Variants in NFIA observed in about 807,000 individuals in gnomAD.
NFIA encodes nuclear factor I A.
Under a neutral mutation model 62.8 loss-of-function variants are expected in NFIA, and 8 were observed. The ratio of observed to expected loss-of-function variants is 0.13; its 90% CI spans 0.07 to 0.23. The LOEUF (loss-of-function observed/expected upper bound fraction) is 0.23, where lower values mean the gene tolerates loss of function less well. NFIA is among the 10% of genes least tolerant of loss of function. The pLI, the probability that NFIA is intolerant of heterozygous loss-of-function variation, is 1.00. For missense variants in NFIA, 410 were observed against 642.1 expected, an observed-to-expected ratio of 0.64 and a Z score of 3.91; for synonymous variants, 235 against 238.1, an observed-to-expected ratio of 0.99 and a Z score of 0.12.
chr1:61,246,423 A>G (rs1024292966), intron 2 of NFIA, among the ~76,000 whole-genome samples: 1 of 152,142 alleles, frequency 6.6e-6, no homozygotes, highest in Non-Finnish European at 1.5e-5. Flanking sequence ...CTTGATAATC[A>G]TTTACTATGA....
At chr1:61,280,050 C>T (rs1658038828) in intron 3 of NFIA, among the ~76,000 whole-genome samples, 2 of 152,214 alleles carry the variant, frequency 1.3e-5, no homozygotes, top group South Asian at 4.1e-4. Flanking sequence ...GTAGTAGAAG[C>T]TGGCTTATCT....
chr1:61,406,637 C>T lies in NFIA; in HGVS notation c.1330C>T (p.Pro444Ser), dbSNP rs777963349. The T allele has an allele frequency of 3.7e-6, 6 of 1,612,770 alleles. No individual in the cohort carries two copies. The highest frequency in any genetic ancestry group is 5.1e-6 in the Non-Finnish European group (6 of 1,179,690). The stretch of plus-strand genomic sequence containing the variant: ...AATGTTGCCACCGCCACCGCCACCA[C>T]CGATGGCCAGGCCTGTGCCTCTGCC... ...TPMLPPPPPPPMARPVPLPVP... is the reference protein window; with the variant it reads ...TPMLPPPPPPSMARPVPLPVP... The change falls in exon 9 of 11, where the codon CCG becomes TCG. Residue 444 changes from proline (P) to serine (S), a missense_variant. By Grantham distance (74) the Pro-to-Ser change is moderately conservative (BLOSUM62 -1). Around this residue, in one of 3 missense-constraint regions of NFIA, gnomAD observed 298 missense variants for 438.1 expected, o/e 0.68. Transcript: ENST00000403491.
chr1:61,162,381 G>A (rs772951726), intron 2 of NFIA, among the ~76,000 whole-genome samples: 1 of 152,190 alleles, frequency 6.6e-6, no homozygotes, highest in South Asian at 2.1e-4. Context: ...CACGTAGTTC[G>A]AAAACCTTTG....
chr1:61,419,479 T>C (rs1417896715), intron 9 of NFIA, among the ~76,000 whole-genome samples: 1 of 152,130 alleles, frequency 6.6e-6, no homozygotes, highest in East Asian at 1.9e-4. Context: ...ACTGCACTCA[T>C]TGTAAAGTGC....
At chr1:61,083,435 C>G (rs1646156195) in intron 1 of NFIA, among the ~76,000 whole-genome samples, 1 of 152,122 alleles carries the variant, frequency 6.6e-6, no homozygotes, top group African/African-American at 2.4e-5. Flanking sequence ...CTTCGGGGTC[C>G]GGCCGCGGAA....
intron 2 of NFIA, among the ~76,000 whole-genome samples, chr1:61,142,916 C>T (rs1647649840): frequency 6.6e-6 from 1 of 152,166 alleles, no homozygotes; most frequent in African/African-American, 2.4e-5. Flanking sequence ...TTCTGATGCA[C>T]TCACCCTGGC....
chr1:61,091,694 T>G (rs760674596), intron 2 of NFIA, among the ~76,000 whole-genome samples: 2 of 152,192 alleles, frequency 1.3e-5, no homozygotes, highest in Non-Finnish European at 2.9e-5. Context: ...TACCAGATGA[T>G]CTGTATCAGA....
intron 2 of NFIA, among the ~76,000 whole-genome samples, chr1:61,191,364 A>G (rs1651604371): frequency 6.6e-6 from 1 of 152,192 alleles, no homozygotes; most frequent in South Asian, 2.1e-4. Flanking sequence ...TACAGGCTTC[A>G]CCGTGACCTG....
chr1:61,270,819 A>G lies in NFIA; in HGVS notation c.560-6701A>G, dbSNP rs576180883. Among the ~76,000 whole-genome samples, 62 of 152,340 alleles carry G rather than the reference A, an allele frequency of 4.1e-4. 2 individuals are homozygous for G. In the South Asian group the frequency reaches 0.011, roughly 27 times the overall value. ...GTGGGTAGGTGATCGGGTAGACTCA[A>G]TAACTTGAGTTCTGAATTAATCAGC... On this transcript the variant is annotated intron_variant, in intron 2 of 10. Transcript: ENST00000403491.
intron 2 of NFIA, among the ~76,000 whole-genome samples, chr1:61,158,189 G>A (rs1648942361): frequency 6.6e-6 from 1 of 152,162 alleles, no homozygotes; most frequent in African/African-American, 2.4e-5. Context: ...ATAGGATTAA[G>A]ATTGTGGATT....
At chr1:61,395,286 G>GTTTTT (rs371283588) in intron 7 of NFIA, among the ~76,000 whole-genome samples, 122 of 134,350 alleles carry the variant, frequency 9.1e-4, no homozygotes, top group African/African-American at 3.2e-3. Context: ...GTGTGTGTGT[G>GTTTTT]TGTTTTTTTT....
intron 1 of NFIA, among the ~76,000 whole-genome samples, chr1:61,083,181 T>G (rs944347698): frequency 6.6e-6 from 1 of 152,086 alleles, no homozygotes; most frequent in African/African-American, 2.4e-5. Flanking sequence ...TTGCAGTCCA[T>G]GACACGCAGA....
intron 4 of NFIA, among the ~76,000 whole-genome samples, chr1:61,333,751 A>T (rs929017769): frequency 2.0e-5 from 3 of 152,178 alleles, no homozygotes; most frequent in African/African-American, 7.2e-5. Flanking sequence ...TAATCCCAGC[A>T]CTTTGAGAGG....
chr1:61,183,525 ACCAGTGG>A lies in NFIA; in HGVS notation c.560-93983_560-93977del, dbSNP rs1029005854. 1.3e-4 allele frequency among the ~76,000 whole-genome samples: 20 copies of A among 152,354 alleles called. 1 individual carries two copies. The highest frequency in any genetic ancestry group is 4.6e-4 in the African/African-American group (19 of 41,582). On this transcript the variant is annotated intron_variant, in intron 2 of 10. Transcript: ENST00000403491. ...CTAAAAGGGTGGGAACACCCCAGCG[ACCAGTGG>A]CCAGTGGCCAGGTGCTTTATGGTAA... is the stretch of plus-strand genomic sequence containing the variant.
At chr1:61,115,418 A>G (rs981595508) in intron 2 of NFIA, among the ~76,000 whole-genome samples, 2 of 152,244 alleles carry the variant, frequency 1.3e-5, no homozygotes, top group Admixed American at 1.3e-4. Flanking sequence ...AATGTATTAA[A>G]TGCTGTCTTA....
intron 3 of NFIA, among the ~76,000 whole-genome samples, chr1:61,322,540 A>AT (rs1660728470): frequency 6.6e-6 from 1 of 152,064 alleles, no homozygotes; most frequent in Non-Finnish European, 1.5e-5. Context: ...CAGGGCAAGA[A>AT]TTTCCTTTCA....
At chr1:61,348,397 C>T (rs1017089926) in intron 4 of NFIA, among the ~76,000 whole-genome samples, 6 of 152,182 alleles carry the variant, frequency 3.9e-5, no homozygotes, top group African/African-American at 1.4e-4. Context: ...TTTTAAAATT[C>T]AAGACACACA....
At chr1:61,392,941 G>C (rs55939392) in intron 7 of NFIA, among the ~76,000 whole-genome samples, 2,092 of 152,222 alleles carry the variant, frequency 0.014, 50 homozygotes, top group African/African-American at 0.048. Context: ...ATGTGTCCCA[G>C]TGGTGCATGT....
chr1:61,153,192 G>T (rs959560411), intron 2 of NFIA, among the ~76,000 whole-genome samples: 3 of 152,200 alleles, frequency 2.0e-5, no homozygotes, highest in Non-Finnish European at 4.4e-5. Context: ...ACTTGAATTG[G>T]AATGTCTTTA....
Sources: allele counts gnomAD v4.1 joint callset (sites outside exome capture counted in the v4.1 genomes callset), GRCh38; gene constraint gnomAD v4.1.1; regional missense constraint gnomAD v4.1.1; transcripts MANE v1.5; gene names NCBI Gene and HGNC (gene_info 2026-07-23, HGNC 2026-07-21).